The following SVIL variants were observed in gnomAD, a reference collection of about 807,000 sequenced individuals.
SVIL encodes archvillin.
A neutral mutation model predicts 240.4 loss-of-function variants in SVIL; 101 were observed. The ratio of observed to expected loss-of-function variants is 0.42; its 90% CI spans 0.36 to 0.50. The LOEUF is 0.50. Among genes scored for constraint, SVIL ranks in the 20% least tolerant of loss-of-function variants. The probability of loss-of-function intolerance (pLI) is 0.01; values close to 1 mark genes in which losing one functional copy is unlikely to be tolerated. For missense variants in SVIL, 2,512 were observed against 2,818.7 expected (o/e 0.89, Z 2.46); for synonymous variants, 999 against 1,100.0 (o/e 0.91, Z 1.82).
chr10:29,635,816 C>A (rs571348815), upstream of SVIL, among the ~76,000 whole-genome samples: 4 of 152,138 alleles, frequency 2.6e-5, no homozygotes. Context: ...CAGTATAAAC[C>A]ACAAACCCCA....
chr10:29,464,583 T>C (rs1944665637), intron 34 of SVIL, among the ~76,000 whole-genome samples: 1 of 152,192 alleles, frequency 6.6e-6, no homozygotes, highest in Non-Finnish European at 1.5e-5. Flanking sequence ...TCACTGTAAG[T>C]CCTTTCCTGA....
chr10:29,512,590 G>A lies in SVIL; in HGVS notation c.3516+145C>T, dbSNP rs986394986. 1.2e-5 allele frequency: 17 copies of A among 1,380,436 alleles called. No homozygotes were observed. The Admixed American group carries it at 1.7e-4, about 14-fold the overall frequency. The allele number at this position is 1,380,436 out of a possible 1,614,324, so 85.5% of individuals were successfully genotyped here. On this transcript the variant is annotated intron_variant, in intron 17 of 37. Coordinates refer to ENST00000355867, the MANE Select transcript of SVIL (RefSeq NM_021738.3). ...CCTTCTGCCCAATTTTAGCTGCTCT[G>A]TGACAGACTCTCAGTGTGTACCCTA...
intron 3 of SVIL, among the ~76,000 whole-genome samples, chr10:29,652,376 G>T (rs1958866181): frequency 6.6e-6 from 1 of 152,182 alleles, no homozygotes; most frequent in African/African-American, 2.4e-5. Flanking sequence ...GCATATGTCA[G>T]CACTACAATC....
At chr10:29,471,415 C>T (rs1252503492) in intron 30 of SVIL, among the ~76,000 whole-genome samples, 172 bp from the exon 31 acceptor site, 2 of 151,890 alleles carry the variant, frequency 1.3e-5, no homozygotes, top group African/African-American at 2.4e-5. Context: ...GTGCAGCCTC[C>T]TCTCAGGGTG....
intron 6 of SVIL, among the ~76,000 whole-genome samples, chr10:29,538,824 T>G (rs544003714): frequency 6.6e-6 from 1 of 152,360 alleles, no homozygotes; most frequent in African/African-American, 2.4e-5. Context: ...GACCCCATTC[T>G]AAGTTGAGGA....
At chr10:29,602,352 T>C in intron 1 of SVIL, 1 of 517,858 alleles carries the variant, frequency 1.9e-6, no homozygotes, top group Non-Finnish European at 4.0e-6. Flanking sequence ...CCTTCCAACA[T>C]GCCGTACCTG....
intron 1 of SVIL, among the ~76,000 whole-genome samples, chr10:29,693,691 G>GA (rs1040998116): frequency 5.3e-5 from 8 of 151,974 alleles, no homozygotes; most frequent in Non-Finnish European, 7.4e-5. Context: ...TCCTTCTCCC[G>GA]AAAAAACGTC....
chr10:29,606,415 C>T (rs182973200), intron 1 of SVIL, among the ~76,000 whole-genome samples: 1 of 152,142 alleles, frequency 6.6e-6, no homozygotes, highest in South Asian at 2.1e-4. Flanking sequence ...CTGGCATATA[C>T]CCCCACCTAA....
chr10:29,609,605 G>T (rs1241442325), intron 1 of SVIL, among the ~76,000 whole-genome samples: 3 of 152,186 alleles, frequency 2.0e-5, no homozygotes, highest in Non-Finnish European at 4.4e-5. Flanking sequence ...ACCTATTTGG[G>T]GACTCTGCAG....
chr10:29,487,290 T>C lies in SVIL; in HGVS notation c.4358A>G (p.His1453Arg). 6.2e-7 allele frequency: 1 copy of C among 1,614,108 alleles called. No homozygotes were observed. The highest frequency in any genetic ancestry group is 8.5e-7 in the Non-Finnish European group (1 of 1,179,990). The change falls in exon 24 of 38, where the codon CAT becomes CGT. Residue 1453 changes from histidine to arginine, a missense_variant. Physicochemically the swap from His to Arg is conservative, Grantham distance 29. Around this residue, in one of 3 missense-constraint regions of SVIL, gnomAD observed 272 missense variants for 406.8 expected, o/e 0.67. Transcript: ENST00000355867. ...LMLLQIKGRR[H>R]VQTRLVEPRA... ...AGGTTCCACCAGCCTGGTCTGCACA[T>C]GTCTTCTTCCTGAACACGAGGCAGA...
chr10:29,642,412 A>T (rs994435689), intron 3 of SVIL, among the ~76,000 whole-genome samples: 1 of 138,260 alleles, frequency 7.2e-6, no homozygotes, highest in South Asian at 2.4e-4. Flanking sequence ...AGAAAGAGAG[A>T]GAGTGAGAAA....
chr10:29,538,605 G>C (rs181054118), intron 6 of SVIL, among the ~76,000 whole-genome samples: 15 of 152,328 alleles, frequency 9.8e-5, no homozygotes, highest in African/African-American at 3.6e-4. Flanking sequence ...GCCGCTCCCA[G>C]ATCGCCACCA....
In SVIL at chr10:29,550,707, G is replaced by A; in HGVS notation, c.717C>T (p.Phe239=). ...GCTTGGGGGACCGTGGCACTTCAGT[G>A]AAGGAGGAGTCTCGCCCAGAGAAAG... The part of the protein sequence containing the change: ...TFSFSGRDSS[F]TEVPRSPKHA... Residue 239 remains phenylalanine, a synonymous_variant, in exon 6 of 38, where the codon TTC becomes TTT. Transcript: ENST00000355867. 2 of 1,614,168 alleles carry A rather than the reference G, an allele frequency of 1.2e-6. No homozygotes were observed. Among genetic ancestry groups the A allele is most frequent in the Non-Finnish European group, 1.7e-6 (2 of 1,180,030 alleles).
intron 20 of SVIL, 25 bp from the exon 21 acceptor site, chr10:29,493,416 T>C: frequency 6.2e-7 from 1 of 1,611,504 alleles, no homozygotes; most frequent in Non-Finnish European, 8.5e-7. Flanking sequence ...GCAAAAGACA[T>C]AAGAGTTTTA....
At chr10:29,538,930 G>A (rs1806003400) in intron 6 of SVIL, among the ~76,000 whole-genome samples, 1 of 152,188 alleles carries the variant, frequency 6.6e-6, no homozygotes, top group African/African-American at 2.4e-5. Flanking sequence ...TTTGGAGGCT[G>A]AGGCAGGAGG....
intron 1 of SVIL, among the ~76,000 whole-genome samples, chr10:29,573,595 T>C (rs1955546659): frequency 6.6e-6 from 1 of 152,168 alleles, no homozygotes; most frequent in Non-Finnish European, 1.5e-5. Flanking sequence ...ATTATCATTA[T>C]TGTTTTAGGC....
intron 1 of SVIL, among the ~76,000 whole-genome samples, chr10:29,732,091 C>T (rs1490939930): frequency 6.6e-6 from 1 of 151,752 alleles, no homozygotes; most frequent in Non-Finnish European, 1.5e-5. Flanking sequence ...GATCTTGCTC[C>T]TAACTCTTTA....
intron 2 of SVIL, among the ~76,000 whole-genome samples, chr10:29,563,951 T>A (rs1330605117): frequency 1.3e-5 from 2 of 151,846 alleles, no homozygotes; most frequent in East Asian, 3.9e-4. Flanking sequence ...TATCTCCCCA[T>A]GTATCCCCCA....
intron 1 of SVIL, among the ~76,000 whole-genome samples, chr10:29,617,615 A>G (rs575682375): frequency 1.7e-4 from 26 of 152,112 alleles, no homozygotes; most frequent in African/African-American, 6.3e-4. Context: ...AAAAAGAGAA[A>G]TTCTGTCTAC....
Sources: allele counts gnomAD v4.1 joint callset (sites outside exome capture counted in the v4.1 genomes callset), GRCh38; gene constraint gnomAD v4.1.1; regional missense constraint gnomAD v4.1.1; transcripts MANE v1.5; gene names NCBI Gene and HGNC (gene_info 2026-07-23, HGNC 2026-07-21).